The following SEMA5A variants were observed in gnomAD, a reference collection of about 807,000 sequenced individuals.
The protein encoded by SEMA5A is semaphorin-5A.
In SEMA5A, 55 loss-of-function variants were observed where a neutral mutation model predicts 135.5. The ratio of observed to expected loss-of-function variants is 0.41; its 90% CI spans 0.33 to 0.51. The LOEUF (loss-of-function observed/expected upper bound fraction) is 0.51. Ranked by LOEUF, SEMA5A falls within the 20% of genes least tolerant of loss-of-function variation. The pLI is 0.37. For synonymous variants in SEMA5A, 580 were observed against 546.5 expected (o/e 1.06, Z -0.85); for missense variants, 1,290 against 1,419.9 (o/e 0.91, Z 1.47).
intron 1 of SEMA5A, among the ~76,000 whole-genome samples, chr5:9,445,401 G>A (rs968755272): frequency 2.0e-5 from 3 of 151,918 alleles, no homozygotes; most frequent in African/African-American, 7.3e-5. Context: ...CGGGCACGGT[G>A]GCTCACGCCT....
At chr5:9,148,609 G>A (rs573969897) in intron 12 of SEMA5A, among the ~76,000 whole-genome samples, 3 of 152,252 alleles carry the variant, frequency 2.0e-5, no homozygotes, top group East Asian at 1.9e-4. Flanking sequence ...TCATATACCC[G>A]CACTAGGATA....
rs1234643430 is a variant in SEMA5A at position 9,545,717 on chromosome 5, C to G, written c.-308G>C. ...CCCCCTGCCACTTCCCCAGAGCCGCCCCCTACTCGCTGAGTTCCAGAATGG... is the reference window on the plus strand; with the variant it reads ...CCCCCTGCCACTTCCCCAGAGCCGCGCCCTACTCGCTGAGTTCCAGAATGG... On this transcript the variant is annotated 5_prime_UTR_variant, in exon 1 of 23. Coordinates refer to ENST00000382496, the MANE Select transcript of SEMA5A (RefSeq NM_003966.3). The surrounding 1 kb of genome is among the most constrained non-coding windows in gnomAD (Gnocchi z 4.5). 1 of 152,398 alleles carries G rather than the reference C, an allele frequency of 6.6e-6. No homozygotes were observed. The highest frequency in any genetic ancestry group is 1.9e-4 in the East Asian group (1 of 5,150). The allele number at this position is 152,398 out of a possible 1,614,324, so 9.4% of individuals were successfully genotyped here. A position where few individuals can be genotyped will look rare whatever the true frequency, so the allele number is the denominator to read the frequency against.
At chr5:9,423,193 A>G (rs569760168) in intron 2 of SEMA5A, among the ~76,000 whole-genome samples, 4 of 152,322 alleles carry the variant, frequency 2.6e-5, no homozygotes, top group East Asian at 1.9e-4. Context: ...CTGCTTCCCC[A>G]CTAGACTTGT....
intron 5 of SEMA5A, among the ~76,000 whole-genome samples, chr5:9,250,808 C>T (rs1476164309): frequency 1.3e-5 from 2 of 152,124 alleles, no homozygotes; most frequent in African/African-American, 2.4e-5. Context: ...ACTTACAACT[C>T]TTGACTTCCA....
chr5:9,150,388 C>G (rs1178939916), intron 12 of SEMA5A, among the ~76,000 whole-genome samples: 7 of 152,144 alleles, frequency 4.6e-5, no homozygotes, highest in Non-Finnish European at 1.0e-4. Context: ...CTCTGGTACT[C>G]TACATCCCCA....
intron 3 of SEMA5A, among the ~76,000 whole-genome samples, chr5:9,350,119 G>A (rs1024713476): frequency 1.3e-5 from 2 of 152,128 alleles, no homozygotes; most frequent in Admixed American, 6.5e-5. Context: ...GTAACATGGA[G>A]CCTTTGTTGG....
chr5:9,465,455 G>A (rs1759222485), intron 1 of SEMA5A, among the ~76,000 whole-genome samples: 1 of 152,156 alleles, frequency 6.6e-6, no homozygotes, highest in Non-Finnish European at 1.5e-5. Flanking sequence ...ATATCCATTG[G>A]TTCCATATCT....
Position 9,122,851 on chromosome 5 carries a change from C to A in SEMA5A, c.1600-14G>T. ...GAGATTCCTGGTCTAGGAAGCAAAACCAAGCAGAGGTGTCAGAAAAGGTTA... is the reference window on the plus strand; with the variant it reads ...GAGATTCCTGGTCTAGGAAGCAAAAACAAGCAGAGGTGTCAGAAAAGGTTA... On this transcript the variant is annotated splice_polypyrimidine_tract_variant and intron_variant, in intron 13 of 22. Transcript: ENST00000382496. 6.3e-7 allele frequency: 1 copy of A among 1,580,554 alleles called. No individual in the cohort carries two copies. Among genetic ancestry groups the A allele is most frequent in the South Asian group, 1.1e-5 (1 of 87,416 alleles).
chr5:9,166,685 C>G (rs1471788754), intron 11 of SEMA5A, among the ~76,000 whole-genome samples: 1 of 152,178 alleles, frequency 6.6e-6, no homozygotes, highest in Non-Finnish European at 1.5e-5. Flanking sequence ...TACCCTAAAT[C>G]ATAAGCCAGC....
intron 4 of SEMA5A, among the ~76,000 whole-genome samples, chr5:9,331,043 G>A (rs1016795662): frequency 2.2e-4 from 33 of 152,118 alleles, no homozygotes; most frequent in Middle Eastern, 3.2e-3. Context: ...ATTTCATACC[G>A]CTCAGCATGT....
In SEMA5A at chr5:9,545,277, G is replaced by T. The variant is rs1373422645; in HGVS notation, c.-175+307C>A. Among the ~76,000 whole-genome samples, 1 of 151,894 alleles carries T rather than the reference G, an allele frequency of 6.6e-6. No homozygotes were observed. Among genetic ancestry groups the T allele is most frequent in the Non-Finnish European group, 1.5e-5 (1 of 67,852 alleles). On this transcript the variant is annotated intron_variant, in intron 1 of 22. Transcript: ENST00000382496. This position sits in a 1 kb window ranked among gnomAD's most constrained non-coding sequence, Gnocchi z 4.5. ...GCGCACCTTTCCGGGTGTTGGGCAG[G>T]GGTCCCGTCTCGCCCACCGCGACAC...
chr5:9,454,601 G>C (rs1008792553), intron 1 of SEMA5A, among the ~76,000 whole-genome samples: 2 of 152,202 alleles, frequency 1.3e-5, no homozygotes, highest in Non-Finnish European at 2.9e-5. Flanking sequence ...TTAGTACACT[G>C]AGATCTTAAC....
chr5:9,451,111 G>A (rs1758626742), intron 1 of SEMA5A, among the ~76,000 whole-genome samples: 1 of 152,168 alleles, frequency 6.6e-6, no homozygotes, highest in Non-Finnish European at 1.5e-5. Context: ...AGACTCAAGG[G>A]TTCAACTAAG....
intron 13 of SEMA5A, among the ~76,000 whole-genome samples, chr5:9,128,337 T>C (rs1379873824): frequency 6.6e-6 from 1 of 152,206 alleles, no homozygotes; most frequent in African/African-American, 2.4e-5. Context: ...TTCTGGCCAA[T>C]GAGACTCAAG....
chr5:9,399,687 A>G (rs1756562779), intron 2 of SEMA5A, among the ~76,000 whole-genome samples: 1 of 152,142 alleles, frequency 6.6e-6, no homozygotes, highest in African/African-American at 2.4e-5. Context: ...GGTTCTTGTG[A>G]TGATGGTTCC....
At position 9,044,604 on chromosome 5, in the gene SEMA5A, G is replaced by A. The variant is rs376156651; in HGVS notation, c.2894-20C>T. 1.2e-6 allele frequency: 2 copies of A among 1,600,670 alleles called. No individual in the cohort carries two copies. The highest frequency in any genetic ancestry group is 2.7e-5 in the African/African-American group (2 of 74,604). On this transcript the variant is annotated intron_variant, in intron 21 of 22. Transcript: ENST00000382496. ...TGAACTCTAGGGAGACATGAGCAAA[G>A]TGATGCCACACTTGAAAAGAACATC...
intron 13 of SEMA5A, among the ~76,000 whole-genome samples, chr5:9,135,106 G>A (rs901420793): frequency 2.6e-5 from 4 of 152,072 alleles, no homozygotes; most frequent in African/African-American, 7.2e-5. Flanking sequence ...GCCAACATTT[G>A]GGAAATGACA....
intron 9 of SEMA5A, among the ~76,000 whole-genome samples, chr5:9,198,156 C>T (rs10462651): frequency 0.088 from 13,411 of 152,208 alleles, 683 homozygotes; most frequent in African/African-American, 0.13. Context: ...TGAGACAATA[C>T]CACAAGCATT....
intron 1 of SEMA5A, among the ~76,000 whole-genome samples, chr5:9,445,021 A>ATTAGAGTCTATTATTCT (rs1758378819): frequency 1.3e-5 from 2 of 152,236 alleles, no homozygotes; most frequent in Admixed American, 6.5e-5. Context: ...ATGCACAGAG[A>ATTAGAGTCTATTATTCT]AAGAAAACAC....
Sources: gnomAD v4.1 joint callset for allele counts (sites outside exome capture counted in the v4.1 genomes callset) on GRCh38, gnomAD v4.1.1 for gene constraint, Gnocchi (gnomAD v3.1) non-coding constraint, MANE v1.5 for transcripts, NCBI Gene and HGNC (gene_info 2026-07-23, HGNC 2026-07-21) for gene names.